The following WWOX variants were observed in gnomAD, a reference collection of about 807,000 sequenced individuals.
WWOX encodes the protein WW domain containing oxidoreductase.
A neutral mutation model predicts 46.2 loss-of-function variants in WWOX; 69 were observed. The ratio of observed to expected loss-of-function variants is 1.49; its 90% CI spans 1.23 to 1.82. The LOEUF (loss-of-function observed/expected upper bound fraction) is 1.82, where lower values mean the gene tolerates loss of function less well. Among genes scored for constraint, WWOX ranks in the 40% most tolerant of loss-of-function variants. WWOX has a pLI of 0.00. For missense variants in WWOX, 919 were observed against 542.6 expected, an observed-to-expected ratio of 1.69 and a Z score of -6.89; for synonymous variants, 359 against 202.6, an observed-to-expected ratio of 1.77 and a Z score of -6.56.
At position 78,703,754 on chromosome 16, in the gene WWOX, A is replaced by T. The variant is rs528078805; in HGVS notation, c.1056+271002A>T. On this transcript the variant is annotated intron_variant, in intron 8 of 8. Transcript: ENST00000566780. ...GAAGAATATCCCAAAATGTGTTTCC[A>T]ACTACCTCACTGATTTTGACTTCAC... Among the ~76,000 whole-genome samples the T allele has an allele frequency of 2.2e-4, 34 of 152,044 alleles. No homozygotes were observed. In the South Asian group the frequency reaches 7.1e-3, roughly 32 times the overall value.
intron 8 of WWOX, among the ~76,000 whole-genome samples, chr16:78,670,811 C>T (rs1228849292): frequency 6.6e-6 from 1 of 152,024 alleles, no homozygotes; most frequent in African/African-American, 2.4e-5. Flanking sequence ...TCCACCTACC[C>T]AGAAATAAGG....
chr16:78,327,488 A>G (rs1297013877), intron 5 of WWOX, among the ~76,000 whole-genome samples: 2 of 152,142 alleles, frequency 1.3e-5, no homozygotes, highest in Non-Finnish European at 2.9e-5. Flanking sequence ...TTCTGTGAGA[A>G]TGAAGCTCTA....
At chr16:78,984,881 A>T (rs2046754084) in intron 8 of WWOX, among the ~76,000 whole-genome samples, 1 of 152,094 alleles carries the variant, frequency 6.6e-6, no homozygotes, top group Admixed American at 6.5e-5. Flanking sequence ...CGTGCAGGGG[A>T]AGAACTGATT....
At chr16:78,749,503 A>C (rs2049427509) in intron 8 of WWOX, among the ~76,000 whole-genome samples, 1 of 152,136 alleles carries the variant, frequency 6.6e-6, no homozygotes, top group Non-Finnish European at 1.5e-5. Flanking sequence ...TGAAGCATTT[A>C]ATGTTTTGTT....
chr16:78,909,444 G>C (rs962343435), intron 8 of WWOX, among the ~76,000 whole-genome samples: 1 of 152,192 alleles, frequency 6.6e-6, no homozygotes, highest in African/African-American at 2.4e-5. Flanking sequence ...GAACAACCAT[G>C]CTATTACACA....
chr16:79,180,153 G>A (rs1368808994), intron 8 of WWOX, among the ~76,000 whole-genome samples: 1 of 152,112 alleles, frequency 6.6e-6, no homozygotes, highest in Non-Finnish European at 1.5e-5. Flanking sequence ...TCTTGGTCAC[G>A]GGTACATCAA....
chr16:79,211,302 CTG>C (rs2051736627), intron 8 of WWOX, among the ~76,000 whole-genome samples: 1 of 152,150 alleles, frequency 6.6e-6, no homozygotes, highest in Non-Finnish European at 1.5e-5. Context: ...ATCTTTTTCT[CTG>C]TGTGGAAGAG....
chr16:78,299,170 T>A (rs894126156), intron 5 of WWOX, among the ~76,000 whole-genome samples: 1 of 152,164 alleles, frequency 6.6e-6, no homozygotes. Context: ...AACGGAAAAC[T>A]CTTGGCTAGA....
chr16:78,106,728 T>G (rs1282340790), intron 1 of WWOX, among the ~76,000 whole-genome samples: 1 of 152,214 alleles, frequency 6.6e-6, no homozygotes. Flanking sequence ...AGAGCTGCTT[T>G]TTTTTGCAAG....
chr16:78,825,576 C>T, intron 8 of WWOX: 2 of 533,668 alleles, frequency 3.7e-6, no homozygotes, highest in Non-Finnish European at 7.5e-6. Flanking sequence ...TGTGCCATTG[C>T]CCAGGTCGAG....
intron 8 of WWOX, among the ~76,000 whole-genome samples, chr16:78,587,911 A>T (rs188691530): frequency 5.6e-4 from 85 of 152,330 alleles, no homozygotes; most frequent in Non-Finnish European, 9.4e-4. Context: ...ACTTATGGTT[A>T]TGTAAATCAA....
chr16:78,490,233 G>A (rs904272646), intron 8 of WWOX, among the ~76,000 whole-genome samples: 2 of 131,448 alleles, frequency 1.5e-5, no homozygotes, highest in Non-Finnish European at 3.2e-5. Flanking sequence ...GATAATATAT[G>A]GTCCCATGAT....
chr16:78,428,372 T>C (rs528108367), intron 7 of WWOX, among the ~76,000 whole-genome samples: 109 of 152,322 alleles, frequency 7.2e-4, no homozygotes, highest in African/African-American at 2.5e-3. Context: ...GGCCCACCCT[T>C]GCCACTTCCT....
intron 8 of WWOX, among the ~76,000 whole-genome samples, chr16:79,210,139 C>G (rs1259449457): frequency 6.6e-6 from 1 of 152,208 alleles, no homozygotes; most frequent in Non-Finnish European, 1.5e-5. Context: ...ACGGTCCACA[C>G]CCCGCCCAGA....
chr16:78,143,327 G>A (rs918848921), intron 4 of WWOX, among the ~76,000 whole-genome samples: 2 of 152,164 alleles, frequency 1.3e-5, no homozygotes, highest in Non-Finnish European at 2.9e-5. Context: ...AAAATCTACA[G>A]ATCAAGGTCA....
chr16:78,585,687 G>GTTTGT (rs1376971106), intron 8 of WWOX, among the ~76,000 whole-genome samples: 13 of 140,962 alleles, frequency 9.2e-5, no homozygotes, highest in African/African-American at 3.4e-4. Context: ...TTTTTTTTTT[G>GTTTGT]TTTTTTTTTG....
intron 8 of WWOX, among the ~76,000 whole-genome samples, chr16:78,621,301 C>G (rs2046174651): frequency 6.6e-6 from 1 of 152,074 alleles, no homozygotes; most frequent in Non-Finnish European, 1.5e-5. Context: ...ACAGATCTAT[C>G]TTTTCATGCC....
intron 5 of WWOX, among the ~76,000 whole-genome samples, chr16:78,191,713 C>G (rs2035888823): frequency 6.6e-6 from 1 of 152,046 alleles, no homozygotes; most frequent in African/African-American, 2.4e-5. Context: ...GTTCTTGATC[C>G]TCGGAAGAGA....
intron 8 of WWOX, among the ~76,000 whole-genome samples, chr16:78,776,462 T>G (rs949069399): frequency 7.2e-5 from 11 of 152,272 alleles, no homozygotes; most frequent in African/African-American, 2.2e-4. Context: ...GTGGTTATTA[T>G]GAGAATTAAA....
Sources: gnomAD v4.1 joint callset for allele counts (sites outside exome capture counted in the v4.1 genomes callset) on GRCh38, gnomAD v4.1.1 for gene constraint, MANE v1.5 for transcripts, NCBI Gene and HGNC (gene_info 2026-07-23, HGNC 2026-07-21) for gene names.